The following RBFOX1 variants were observed in gnomAD, a reference collection of about 807,000 sequenced individuals.
The protein encoded by RBFOX1 is RNA binding fox-1 homolog 1, also known as RNA binding protein fox-1 homolog 1.
RBFOX1 carries 8 observed loss-of-function variants against 57.7 expected under a neutral mutation model. The observed-to-expected ratio is 0.14, with a 90% CI of 0.08 to 0.25. RBFOX1 has a LOEUF of 0.25. Among genes scored for constraint, RBFOX1 ranks in the 10% least tolerant of loss-of-function variants. The pLI, the probability that RBFOX1 is intolerant of heterozygous loss-of-function variation, is 1.00. For synonymous variants in RBFOX1, 326 were observed against 222.4 expected, an observed-to-expected ratio of 1.47 and a Z score of -4.15; for missense variants, 611 against 548.5, an observed-to-expected ratio of 1.11 and a Z score of -1.14.
intron 1 of RBFOX1, among the ~76,000 whole-genome samples, chr16:6,112,772 G>C (rs1407138027): frequency 6.6e-6 from 1 of 152,156 alleles, no homozygotes; most frequent in East Asian, 1.9e-4. Context: ...TATAAAGAAG[G>C]GACATGTCTG....
At chr16:7,005,989 A>G (rs576542455) in intron 3 of RBFOX1, among the ~76,000 whole-genome samples, 1 of 152,326 alleles carries the variant, frequency 6.6e-6, no homozygotes, top group East Asian at 1.9e-4. Context: ...ACAGAAAGGC[A>G]AATCCTCTAA....
intron 2 of RBFOX1, among the ~76,000 whole-genome samples, chr16:6,344,407 C>CTTTTTTTCTTT (rs1555635140): frequency 2.7e-5 from 3 of 109,842 alleles, no homozygotes; most frequent in East Asian, 4.7e-4. Context: ...TCTTTTTTTT[C>CTTTTTTTCTTT]TTTTTTTTTT....
At chr16:7,294,258 C>T (rs1007721496) in intron 4 of RBFOX1, among the ~76,000 whole-genome samples, 2 of 152,060 alleles carry the variant, frequency 1.3e-5, no homozygotes, top group African/African-American at 4.8e-5. Context: ...CACTTACATT[C>T]AGTCCTGTGC....
intron 4 of RBFOX1, among the ~76,000 whole-genome samples, chr16:5,973,757 A>G (rs888518065): frequency 6.6e-6 from 1 of 152,140 alleles, no homozygotes; most frequent in Non-Finnish European, 1.5e-5. Flanking sequence ...CATTCATTCA[A>G]TTGTTTCTTT....
chr16:7,430,442 A>T (rs117821154), intron 4 of RBFOX1, among the ~76,000 whole-genome samples: 4,024 of 152,180 alleles, frequency 0.026, 78 homozygotes, highest in South Asian at 0.061. Flanking sequence ...CAGGCAGATC[A>T]CAAGGTGAGG....
At chr16:6,152,290 A>G (rs936533838) in intron 1 of RBFOX1, among the ~76,000 whole-genome samples, 1 of 152,154 alleles carries the variant, frequency 6.6e-6, no homozygotes, top group Non-Finnish European at 1.5e-5. Context: ...CTGTCTCTGT[A>G]TTCCTCCCAC....
chr16:7,479,115 G>GTT (rs56121631), intron 4 of RBFOX1, among the ~76,000 whole-genome samples: 1,470 of 144,076 alleles, frequency 0.01, 31 homozygotes, highest in Admixed American at 0.053. Context: ...ACCCAGTTTT[G>GTT]TTTTTTTTTT....
At chr16:6,868,340 A>G (rs12926526) in intron 3 of RBFOX1, among the ~76,000 whole-genome samples, 11,061 of 152,246 alleles carry the variant, frequency 0.073, 479 homozygotes, top group South Asian at 0.17. Context: ...GGATTCATCT[A>G]TGATAAGTGT....
At chr16:6,767,782 C>T (rs149070130) in intron 3 of RBFOX1, among the ~76,000 whole-genome samples, 194 of 151,770 alleles carry the variant, frequency 1.3e-3, no homozygotes, top group African/African-American at 4.4e-3. Flanking sequence ...GGCATGGTGA[C>T]GGGTGCCTGT....
At chr16:6,514,308 C>T (rs1385286035) in intron 2 of RBFOX1, among the ~76,000 whole-genome samples, 1 of 152,170 alleles carries the variant, frequency 6.6e-6, no homozygotes, top group African/African-American at 2.4e-5. Context: ...CTGAATCTGG[C>T]TTCCCGAGAG....
At chr16:6,332,128 A>G (rs367630338) in intron 2 of RBFOX1, among the ~76,000 whole-genome samples, 1 of 152,340 alleles carries the variant, frequency 6.6e-6, no homozygotes, top group South Asian at 2.1e-4. Flanking sequence ...GAAAGTGCTA[A>G]TATGTGGATG....
At chr16:7,540,338 G>A (rs915883434) in intron 5 of RBFOX1, among the ~76,000 whole-genome samples, 3 of 152,132 alleles carry the variant, frequency 2.0e-5, no homozygotes, top group Non-Finnish European at 2.9e-5. Flanking sequence ...GCACCATGTC[G>A]GCAATGTGGC....
chr16:6,822,484 C>T (rs1239030567), intron 3 of RBFOX1, among the ~76,000 whole-genome samples: 1 of 152,210 alleles, frequency 6.6e-6, no homozygotes, highest in Non-Finnish European at 1.5e-5. Context: ...AAATAAAACA[C>T]ATGCATCAAT....
At chr16:7,281,060 T>C (rs2141158522) in intron 4 of RBFOX1, among the ~76,000 whole-genome samples, 1 of 147,212 alleles carries the variant, frequency 6.8e-6, no homozygotes, top group South Asian at 2.2e-4. Context: ...TGAAGTGCAG[T>C]GGCACAGTCT....
At chr16:7,671,492 T>G in intron 13 of RBFOX1, 4 of 1,424,454 alleles carry the variant, frequency 2.8e-6, no homozygotes, top group Non-Finnish European at 3.9e-6. Context: ...TTTGTCTGAC[T>G]TATGCATTCT....
At position 5,919,057 on chromosome 16, in the gene RBFOX1, G is replaced by A. The variant is rs116608609; in HGVS notation, c.351+51722G>A. Among the ~76,000 whole-genome samples, 371 of 152,296 alleles carry A rather than the reference G, an allele frequency of 2.4e-3. 1 individual carries two copies. Among genetic ancestry groups the A allele is most frequent in the African/African-American group, 8.4e-3 (351 of 41,546 alleles). On this transcript the variant is annotated intron_variant, in intron 4 of 19. Transcript: ENST00000641259. ...GAATCATATATCCACGTCTTTCCCA[G>A]TGTCTGAGAGCTGAGGCAGTTTCAG...
chr16:6,117,149 A>G (rs2096505171), intron 1 of RBFOX1, among the ~76,000 whole-genome samples: 1 of 152,166 alleles, frequency 6.6e-6, no homozygotes, highest in Non-Finnish European at 1.5e-5. Context: ...ATTCTTGGGT[A>G]AGCCAGACCC....
intron 1 of RBFOX1, among the ~76,000 whole-genome samples, chr16:6,309,258 C>G (rs2079939648): frequency 6.6e-6 from 1 of 152,100 alleles, no homozygotes; most frequent in East Asian, 1.9e-4. Flanking sequence ...GCCTTACACA[C>G]ACCCTGTTAT....
At chr16:6,912,527 C>T (rs758809105) in intron 3 of RBFOX1, among the ~76,000 whole-genome samples, 2 of 152,062 alleles carry the variant, frequency 1.3e-5, no homozygotes. Flanking sequence ...AACTAAAGAC[C>T]TTCTGAGATT....
Sources: gnomAD v4.1 joint callset for allele counts (sites outside exome capture counted in the v4.1 genomes callset) on GRCh38, gnomAD v4.1.1 for gene constraint, MANE v1.5 for transcripts, NCBI Gene and HGNC (gene_info 2026-07-23, HGNC 2026-07-21) for gene names.